Variants in ZFPM2 observed in about 807,000 individuals in gnomAD.
The protein encoded by ZFPM2 is zinc finger protein ZFPM2.
In ZFPM2, 20 loss-of-function variants were observed where a neutral mutation model predicts 98.6. The observed-to-expected ratio is 0.20, with a 90% CI of 0.14 to 0.29. The LOEUF (loss-of-function observed/expected upper bound fraction) is 0.29, where lower values mean the gene tolerates loss of function less well. Ranked by LOEUF, ZFPM2 falls within the 10% of genes least tolerant of loss-of-function variation. The probability of loss-of-function intolerance (pLI) is 1.00; values close to 1 mark genes in which losing one functional copy is unlikely to be tolerated. For synonymous variants in ZFPM2, 518 were observed against 502.7 expected (o/e 1.03, Z -0.41); for missense variants, 1,310 against 1,388.6 (o/e 0.94, Z 0.90).
intron 5 of ZFPM2, among the ~76,000 whole-genome samples, chr8:105,723,796 G>A (rs1811733162): frequency 6.6e-6 from 1 of 151,732 alleles, no homozygotes; most frequent in African/African-American, 2.4e-5. Flanking sequence ...AAATCCTGGT[G>A]CTTGCTTTTC....
rs1816806959 is a variant in ZFPM2, at chr8:105,634,318, G to C, written c.493G>C (p.Val165Leu). Reference protein sequence around the residue: ...KWLLDVTWQGVEDNKNNCIVY... With the variant: ...KWLLDVTWQGLEDNKNNCIVY... The stretch of plus-strand genomic sequence containing the variant: ...GTTGCTGGATGTGACTTGGCAAGGA[G>C]TGGAAGACAACAAAAACAACTGCAT... The change falls in exon 5 of 8, where the codon GTG becomes CTG. Residue 165 changes from valine to leucine, a missense_variant. Coordinates refer to ENST00000407775, the MANE Select transcript of ZFPM2 (RefSeq NM_012082.4). The C allele has an allele frequency of 3.7e-6, 6 of 1,613,008 alleles. No individual in the cohort carries two copies. The highest frequency in any genetic ancestry group is 4.2e-6 in the Non-Finnish European group (5 of 1,179,472).
In ZFPM2 at chr8:105,587,413, C is replaced by T. The variant is rs1815746979; in HGVS notation, c.420+25932C>T. 2.0e-5 allele frequency among the ~76,000 whole-genome samples: 3 copies of T among 151,990 alleles called. No individual in the cohort carries two copies. The South Asian group carries it at 6.2e-4, about 32-fold the overall frequency. On this transcript the variant is annotated intron_variant, in intron 4 of 7. Coordinates refer to ENST00000407775, the MANE Select transcript of ZFPM2 (RefSeq NM_012082.4). The stretch of plus-strand genomic sequence containing the variant: ...GCTTCTGGTATAAGCAACGAACTAC[C>T]CTTTATTTCTAATTTAAAGTGTAGA...
intron 5 of ZFPM2, among the ~76,000 whole-genome samples, chr8:105,769,882 G>A (rs1267504463): frequency 1.3e-5 from 2 of 151,662 alleles, no homozygotes; most frequent in Non-Finnish European, 2.9e-5. Flanking sequence ...TGTACGAAGG[G>A]AAAAAAATAC....
In ZFPM2 at chr8:105,411,519, C is replaced by T. The variant is rs1811576720; in HGVS notation, c.41-7625C>T. ...AGTTAATGAATAAATACATAAAACT[C>T]TCATAAAGAAAAGAGAATAAGCTAA... On this transcript the variant is annotated intron_variant, in intron 1 of 7. Coordinates refer to ENST00000407775, the MANE Select transcript of ZFPM2 (RefSeq NM_012082.4). Among the ~76,000 whole-genome samples the T allele has an allele frequency of 3.3e-5, 5 of 151,756 alleles. No individual in the cohort carries two copies. The South Asian group carries it at 1.0e-3, about 31-fold the overall frequency.
chr8:105,472,662 C>T (rs1812928080), intron 3 of ZFPM2, among the ~76,000 whole-genome samples: 1 of 151,940 alleles, frequency 6.6e-6, no homozygotes, highest in Non-Finnish European at 1.5e-5. Context: ...ACCATCGCAC[C>T]CGGCTAATTT....
chr8:105,753,948 T>C (rs773661170), intron 5 of ZFPM2, among the ~76,000 whole-genome samples: 1 of 152,256 alleles, frequency 6.6e-6, no homozygotes, highest in African/African-American at 2.4e-5. Flanking sequence ...TCTAGTGTGT[T>C]ATTTAAAAAC....
chr8:105,404,755 G>T (rs1021105520), intron 1 of ZFPM2, among the ~76,000 whole-genome samples: 2 of 151,924 alleles, frequency 1.3e-5, no homozygotes, highest in African/African-American at 4.8e-5. Context: ...GTGGAATCCT[G>T]GTAGATTTCT....
At chr8:105,482,405 T>C (rs35719429) in intron 3 of ZFPM2, among the ~76,000 whole-genome samples, 14,351 of 152,216 alleles carry the variant, frequency 0.094, 723 homozygotes, top group South Asian at 0.15. Context: ...AGATGCTTTG[T>C]CCATTAACTG....
At chr8:105,332,065 A>G (rs1243511136) in intron 1 of ZFPM2, among the ~76,000 whole-genome samples, 1 of 151,608 alleles carries the variant, frequency 6.6e-6, no homozygotes, top group African/African-American at 2.4e-5. Context: ...CAGTCACTAC[A>G]TTTTATCTTT....
At chr8:105,793,074 A>T (rs954982244) in intron 6 of ZFPM2, among the ~76,000 whole-genome samples, 1 of 152,022 alleles carries the variant, frequency 6.6e-6, no homozygotes, top group African/African-American at 2.4e-5. Context: ...TGGAGCATTT[A>T]GTCCATTGAC....
intron 5 of ZFPM2, among the ~76,000 whole-genome samples, chr8:105,692,314 T>A (rs376924862): frequency 2.0e-5 from 3 of 152,204 alleles, no homozygotes; most frequent in African/African-American, 7.2e-5. Flanking sequence ...TGTATGTGTG[T>A]TATAATGACT....
At chr8:105,448,458 A>G (rs1812418841) in intron 3 of ZFPM2, among the ~76,000 whole-genome samples, 1 of 152,010 alleles carries the variant, frequency 6.6e-6, no homozygotes, top group South Asian at 2.1e-4. Context: ...CATTTATTGT[A>G]ATAATTGTTA....
intron 5 of ZFPM2, among the ~76,000 whole-genome samples, chr8:105,674,147 A>C (rs566792008): frequency 5.9e-5 from 9 of 152,336 alleles, no homozygotes; most frequent in Non-Finnish European, 1.3e-4. Flanking sequence ...TAAATAATAC[A>C]GCAGTTTTCC....
intron 3 of ZFPM2, among the ~76,000 whole-genome samples, chr8:105,534,256 T>A: frequency 2.3e-5 from 1 of 44,354 alleles, no homozygotes; most frequent in East Asian, 6.2e-4. Context: ...CCTCCCTCCC[T>A]TCCTCCTTTC....
chr8:105,647,902 A>T (rs1379574536), intron 5 of ZFPM2, among the ~76,000 whole-genome samples: 2 of 152,136 alleles, frequency 1.3e-5, no homozygotes, highest in African/African-American at 4.8e-5. Context: ...CAGTAATGGG[A>T]TGGCTGGGTC....
At chr8:105,525,826 T>C (rs1449973479) in intron 3 of ZFPM2, among the ~76,000 whole-genome samples, 2 of 152,174 alleles carry the variant, frequency 1.3e-5, no homozygotes, top group Non-Finnish European at 2.9e-5. Context: ...CTAATAATAA[T>C]TGGAGTCTGC....
intron 2 of ZFPM2, among the ~76,000 whole-genome samples, chr8:105,436,507 C>A (rs1294498314): frequency 1.5e-5 from 2 of 133,844 alleles, no homozygotes; most frequent in Non-Finnish European, 3.1e-5. Flanking sequence ...AGCAAAACTC[C>A]GTCTCAAAAA....
chr8:105,793,811 C>T (rs1373588612), intron 6 of ZFPM2, among the ~76,000 whole-genome samples: 1 of 146,060 alleles, frequency 6.8e-6, no homozygotes, highest in African/African-American at 2.8e-5. Flanking sequence ...CTCTAAACTT[C>T]CCTTCTCGCT....
chr8:105,439,080 A>C (rs554623577), intron 2 of ZFPM2, among the ~76,000 whole-genome samples: 5 of 152,184 alleles, frequency 3.3e-5, no homozygotes, highest in African/African-American at 1.2e-4. Flanking sequence ...AATGTTAATG[A>C]TTGATTGAAT....
Sources: allele counts gnomAD v4.1 joint callset (sites outside exome capture counted in the v4.1 genomes callset), GRCh38; gene constraint gnomAD v4.1.1; transcripts MANE v1.5; gene names NCBI Gene and HGNC (gene_info 2026-07-23, HGNC 2026-07-21).